Variants in FAHD2A observed in about 807,000 individuals in gnomAD.
The protein encoded by FAHD2A is oxaloacetate tautomerase FAHD2A, mitochondrial.
Under a neutral mutation model 33.4 loss-of-function variants are expected in FAHD2A, and 27 were observed. That is an observed-to-expected ratio of 0.81 (90% confidence interval 0.60 to 1.11). The LOEUF is 1.11. Among genes scored for constraint, FAHD2A ranks in the 50% most tolerant of loss-of-function variants. The pLI, the probability that FAHD2A is intolerant of heterozygous loss-of-function variation, is 0.00. For missense variants in FAHD2A, 296 were observed against 395.0 expected, an observed-to-expected ratio of 0.75 and a Z score of 2.12; for synonymous variants, 130 against 153.3, an observed-to-expected ratio of 0.85 and a Z score of 1.12.
chr2:95,413,448 G>A lies in FAHD2A; in HGVS notation c.*491G>A. 2.5e-6 allele frequency: 4 copies of A among 1,609,596 alleles called. No homozygotes were observed. The highest frequency in any genetic ancestry group is 3.4e-6 in the Non-Finnish European group (4 of 1,179,168). The stretch of plus-strand genomic sequence containing the variant: ...GTCTCAGCACAGGCTCCTTCTCACA[G>A]TTCTAGCTACAAGTGAACTGCCGGA... On this transcript the variant is annotated 3_prime_UTR_variant, in exon 8 of 8. Coordinates refer to ENST00000233379, the MANE Select transcript of FAHD2A (RefSeq NM_016044.3).
downstream of FAHD2A, among the ~76,000 whole-genome samples, chr2:95,420,523 G>A (rs1683300408): frequency 6.6e-6 from 1 of 151,608 alleles, no homozygotes; most frequent in Non-Finnish European, 1.5e-5. Flanking sequence ...CAAATCCCAT[G>A]GTGTGATCCA....
rs367675201 is a variant in FAHD2A at position 95,405,655 on chromosome 2, C to T, written c.97C>T (p.Arg33Trp). The T allele has an allele frequency of 9.2e-5, 149 of 1,613,724 alleles. 1 individual carries two copies. The highest frequency in any genetic ancestry group is 3.3e-4 in the Admixed American group (20 of 59,922). The part of the protein sequence containing the change: ...PSRDMRLVQF[R>W]APHLVGPHLG... ...CAGAGACATGAGACTAGTGCAGTTC[C>T]GGGCACCCCACCTGGTGGGGCCTCA... Residue 33 changes from arginine (R) to tryptophan (W), a missense_variant, in exon 2 of 8, where the codon CGG (arginine) becomes TGG (tryptophan). Coordinates refer to ENST00000233379, the MANE Select transcript of FAHD2A (RefSeq NM_016044.3).
downstream of FAHD2A, among the ~76,000 whole-genome samples, chr2:95,417,304 G>C (rs1683237947): frequency 2.0e-5 from 3 of 152,172 alleles, no homozygotes; most frequent in Non-Finnish European, 2.9e-5. Context: ...TGAAGGATCT[G>C]GGAGCTGAGT....
downstream of FAHD2A, among the ~76,000 whole-genome samples, chr2:95,416,857 T>TC (rs1268999857): frequency 5.9e-5 from 9 of 152,154 alleles, no homozygotes; most frequent in Non-Finnish European, 1.5e-5. Flanking sequence ...CCCTGAACAC[T>TC]CCTTCTTTCC....
chr2:95,412,066 C>T (rs1265866410), intron 5 of FAHD2A, among the ~76,000 whole-genome samples: 2 of 152,342 alleles, frequency 1.3e-5, no homozygotes, highest in Middle Eastern at 3.4e-3. Flanking sequence ...GCTATGATTA[C>T]AGACATGAGC....
At position 95,405,525 on chromosome 2, in the gene FAHD2A, C is replaced by G. The variant is rs139674643; in HGVS notation, c.-6-28C>G. ...TGATGATGGCTCTGGGATCCTCTGTCTCCTGGATCCTGCATTTTTCTCTGC... is the reference window on the plus strand; with the variant it reads ...TGATGATGGCTCTGGGATCCTCTGTGTCCTGGATCCTGCATTTTTCTCTGC... On this transcript the variant is annotated intron_variant, in intron 1 of 7. Transcript: ENST00000233379. 1,945 of 1,590,798 alleles carry G rather than the reference C, an allele frequency of 1.2e-3. 2 individuals carry two copies. Among genetic ancestry groups the G allele is most frequent in the Non-Finnish European group, 1.6e-3 (1,857 of 1,165,728 alleles).
intron 4 of FAHD2A, 67 bp from the exon 5 acceptor site, chr2:95,410,797 C>G: frequency 1.3e-6 from 2 of 1,596,446 alleles, no homozygotes; most frequent in South Asian, 1.1e-5. Context: ...TTAGAGATCC[C>G]TTGCCATAGG....
At chr2:95,407,841 A>G (rs1681855394) in intron 3 of FAHD2A, among the ~76,000 whole-genome samples, 1 of 152,236 alleles carries the variant, frequency 6.6e-6, no homozygotes, top group African/African-American at 2.4e-5. Context: ...CCAGTAGTGT[A>G]TATACCCTTT....
At chr2:95,411,446 ACAGT>A (rs1358082260) in intron 5 of FAHD2A, among the ~76,000 whole-genome samples, 2 of 152,254 alleles carry the variant, frequency 1.3e-5, no homozygotes, top group African/African-American at 2.4e-5. Flanking sequence ...CTGACCACAC[ACAGT>A]CAGGATACAG....
intron 3 of FAHD2A, chr2:95,407,378 A>G (rs1681769290): frequency 1.5e-6 from 1 of 649,078 alleles, no homozygotes; most frequent in Non-Finnish European, 2.7e-6. Context: ...AGATAATAAA[A>G]TAGAGATAAA....
chr2:95,413,253 CT>C lies in FAHD2A; in HGVS notation c.*297del. The stretch of plus-strand genomic sequence containing the variant: ...CATATGCCAAAAAGATGCTGCTGGG[CT>C]GGGGAAAAGACAATTCGTGTCGTCC... On this transcript the variant is annotated 3_prime_UTR_variant, in exon 8 of 8. Coordinates refer to ENST00000233379, the MANE Select transcript of FAHD2A (RefSeq NM_016044.3). The C allele has an allele frequency of 7.8e-7, 1 of 1,277,992 alleles. No homozygotes were observed. Among genetic ancestry groups the C allele is most frequent in the African/African-American group, 1.5e-5 (1 of 66,500 alleles). The allele number at this position is 1,277,992 out of a possible 1,614,324, so 79.2% of individuals were successfully genotyped here.
chr2:95,418,397 G>A (rs577331948), downstream of FAHD2A, among the ~76,000 whole-genome samples: 20 of 152,094 alleles, frequency 1.3e-4, no homozygotes, highest in African/African-American at 3.4e-4. Flanking sequence ...CTACTTAGAA[G>A]AGAGCACTGA....
downstream of FAHD2A, among the ~76,000 whole-genome samples, chr2:95,420,151 T>G (rs1203982421): frequency 6.6e-6 from 1 of 152,062 alleles, no homozygotes; most frequent in Non-Finnish European, 1.5e-5. Flanking sequence ...GCAATCTACT[T>G]TATTCAGTCA....
chr2:95,414,148 C>A lies in FAHD2A; in HGVS notation c.*1191C>A, dbSNP rs1682930836. ...ACTGGACAGAAGACTACTCTGCAGC[C>A]CGCCTTCCTAGAGTTGGGTTGTCAC... is the stretch of plus-strand genomic sequence containing the variant. On this transcript the variant is annotated 3_prime_UTR_variant, in exon 8 of 8. Coordinates refer to ENST00000233379, the MANE Select transcript of FAHD2A (RefSeq NM_016044.3). The A allele has an allele frequency of 6.5e-7, 1 of 1,544,074 alleles. No individual in the cohort carries two copies. Among genetic ancestry groups the A allele is most frequent in the Non-Finnish European group, 8.8e-7 (1 of 1,138,230 alleles).
At chr2:95,417,463 TG>T, downstream of FAHD2A, among the ~76,000 whole-genome samples, 1 of 152,076 alleles carries the variant, frequency 6.6e-6, no homozygotes, top group Admixed American at 6.5e-5. Flanking sequence ...CCAGAGGCTT[TG>T]GGAAAAAAAA....
chr2:95,409,609 A>G (rs981386807), intron 3 of FAHD2A, among the ~76,000 whole-genome samples: 1 of 152,216 alleles, frequency 6.6e-6, no homozygotes, highest in African/African-American at 2.4e-5. Context: ...ACTCCCAGAC[A>G]AGATCAATGA....
In FAHD2A at chr2:95,410,507, G is replaced by A. The variant is rs757326070; in HGVS notation, c.463-20G>A. 123 of 1,601,776 alleles carry A rather than the reference G, an allele frequency of 7.7e-5. No homozygotes were observed. The Middle Eastern group carries it at 8.3e-4, about 11-fold the overall frequency. ...GGCCCTGAAGCCACTGCAGCTCACTGTTCCTCTCCCACCCTACAGGAGGTA... is the reference window on the plus strand; with the variant it reads ...GGCCCTGAAGCCACTGCAGCTCACTATTCCTCTCCCACCCTACAGGAGGTA... On this transcript the variant is annotated intron_variant, in intron 3 of 7. Transcript: ENST00000233379.
chr2:95,416,818 A>G (rs1417575387), downstream of FAHD2A, among the ~76,000 whole-genome samples: 3 of 152,174 alleles, frequency 2.0e-5, no homozygotes, highest in Non-Finnish European at 4.4e-5. Context: ...TACCCACACA[A>G]AGGCTTGGAT....
Position 95,406,993 on chromosome 2 carries a change from G to T in FAHD2A, c.298G>T (p.Ala100Ser), listed in dbSNP as rs774324261. ...VLPRSEVTFL[A>S]PVTRPDKVVC... ...ACCACGGTCGGAGGTAACCTTCCTGGCTCCAGTCACACGACCAGATAAGGT... is the reference window on the plus strand; with the variant it reads ...ACCACGGTCGGAGGTAACCTTCCTGTCTCCAGTCACACGACCAGATAAGGT... The change falls in exon 3 of 8, where the codon GCT becomes TCT. Residue 100 changes from alanine to serine, a missense_variant. Coordinates refer to ENST00000233379, the MANE Select transcript of FAHD2A (RefSeq NM_016044.3). The T allele has an allele frequency of 1.9e-6, 3 of 1,613,974 alleles. No individual in the cohort carries two copies. The highest frequency in any genetic ancestry group is 3.3e-5 in the Admixed American group (2 of 60,016).
Sources: gnomAD v4.1 joint callset for allele counts (sites outside exome capture counted in the v4.1 genomes callset) on GRCh38, gnomAD v4.1.1 for gene constraint, MANE v1.5 for transcripts, NCBI Gene and HGNC (gene_info 2026-07-23, HGNC 2026-07-21) for gene names.